TPGS2: variants seen among roughly 807,000 people sequenced by gnomAD.
TPGS2 encodes tubulin polyglutamylase complex subunit 2.
A neutral mutation model predicts 31.1 loss-of-function variants in TPGS2; 26 were observed. The ratio of observed to expected loss-of-function variants is 0.84; its 90% confidence interval spans 0.61 to 1.16. TPGS2 has a LOEUF of 1.16. Ranked by LOEUF, TPGS2 falls within the 50% of genes most tolerant of loss-of-function variation. TPGS2 has a pLI of 0.00. For missense variants in TPGS2, 351 were observed against 363.8 expected, an observed-to-expected ratio of 0.96 and a Z score of 0.29; for synonymous variants, 130 against 136.6, an observed-to-expected ratio of 0.95 and a Z score of 0.34.
intron 2 of TPGS2, among the ~76,000 whole-genome samples, chr18:36,813,084 G>A (rs2045501567): frequency 6.6e-6 from 1 of 152,226 alleles, no homozygotes; most frequent in African/African-American, 2.4e-5. Context: ...CTCAGGACTT[G>A]ATACATGAAA....
chr18:36,824,228 T>C (rs2046032981), intron 1 of TPGS2, among the ~76,000 whole-genome samples: 1 of 152,256 alleles, frequency 6.6e-6, no homozygotes, highest in South Asian at 2.1e-4. Context: ...TTTTTTGTTA[T>C]ATGGATATAT....
At chr18:36,819,017 GTC>G (rs2045783338) in intron 1 of TPGS2, 44 bp from the exon 2 acceptor site, 1 of 1,514,470 alleles carries the variant, frequency 6.6e-7, no homozygotes, top group African/African-American at 1.4e-5. Flanking sequence ...TTGGTCCGCT[GTC>G]ATACATTTCT....
intron 6 of TPGS2, chr18:36,789,090 GC>G (rs1446727504): frequency 6.6e-6 from 1 of 152,110 alleles, no homozygotes; most frequent in Admixed American, 6.6e-5. Context: ...AACCTGCACA[GC>G]CCACTCTGCA....
In TPGS2 at chr18:36,795,912, A is replaced by C; in HGVS notation, c.*893T>G. 1.0e-6 allele frequency: 1 copy of C among 985,466 alleles called. No individual in the cohort carries two copies. The highest frequency in any genetic ancestry group is 1.2e-6 in the Non-Finnish European group (1 of 829,940). 61.0% of individuals were successfully genotyped at this position (985,466 alleles called of 1,614,324 possible). On this transcript the variant is annotated 3_prime_UTR_variant, in exon 7 of 7. Coordinates refer to ENST00000334295, the MANE Select transcript of TPGS2 (RefSeq NM_015476.4). ...CCATTAAAACTCTTTCTTTATGAAG[A>C]GTTGTGCAAAACAATGTTTGGGAAT... is the stretch of plus-strand genomic sequence containing the variant.
At chr18:36,818,189 C>G (rs1274591832) in intron 2 of TPGS2, among the ~76,000 whole-genome samples, 1 of 152,142 alleles carries the variant, frequency 6.6e-6, no homozygotes, top group Non-Finnish European at 1.5e-5. Context: ...TTAACAATTT[C>G]TTATTGCTTC....
chr18:36,823,510 G>A (rs1484368128), intron 1 of TPGS2, among the ~76,000 whole-genome samples: 1 of 131,988 alleles, frequency 7.6e-6, no homozygotes, highest in Non-Finnish European at 1.5e-5. Context: ...GCCCAGGCTG[G>A]AGTGCAGTGG....
At chr18:36,828,378 C>G (rs1049008779) in intron 1 of TPGS2, among the ~76,000 whole-genome samples, 1 of 152,102 alleles carries the variant, frequency 6.6e-6, no homozygotes, top group African/African-American at 2.4e-5. Context: ...ACTTCCCAAC[C>G]GTCAGGTGCT....
At chr18:36,780,171 G>C (rs1454056516), downstream of TPGS2, 1 of 1,231,744 alleles carries the variant, frequency 8.1e-7, no homozygotes, top group African/African-American at 1.6e-5. Context: ...GCTTGGAACG[G>C]CCTTCAGATC....
At chr18:36,820,785 G>A (rs1040030573) in intron 1 of TPGS2, among the ~76,000 whole-genome samples, 10 of 152,110 alleles carry the variant, frequency 6.6e-5, no homozygotes, top group African/African-American at 2.2e-4. Context: ...AACATTTTGC[G>A]GATGTTTGGA....
At chr18:36,791,316 C>T (rs2044302062), downstream of TPGS2, among the ~76,000 whole-genome samples, 2 of 152,098 alleles carry the variant, frequency 1.3e-5, no homozygotes, top group Admixed American at 1.3e-4. Context: ...ATTAATATAC[C>T]ATCTCCACAC....
At chr18:36,800,910 G>C (rs145713114) in intron 4 of TPGS2, among the ~76,000 whole-genome samples, 1 of 152,064 alleles carries the variant, frequency 6.6e-6, no homozygotes, top group Non-Finnish European at 1.5e-5. Flanking sequence ...GACTGCTCTC[G>C]AACTCCTGAC....
intron 1 of TPGS2, chr18:36,820,911 T>C (rs1379374724): frequency 1.3e-5 from 2 of 152,182 alleles, no homozygotes; most frequent in Non-Finnish European, 2.9e-5. Flanking sequence ...TGACAAGCAT[T>C]TGTCAGCCAC....
chr18:36,790,405 G>A (rs1329246560), downstream of TPGS2, among the ~76,000 whole-genome samples: 1 of 152,230 alleles, frequency 6.6e-6, no homozygotes, highest in Non-Finnish European at 1.5e-5. Context: ...CATCCAGAGA[G>A]ATGGTTTCTT....
At chr18:36,825,173 C>T (rs1241865994) in intron 1 of TPGS2, among the ~76,000 whole-genome samples, 1 of 152,036 alleles carries the variant, frequency 6.6e-6, no homozygotes, top group Non-Finnish European at 1.5e-5. Context: ...TGGCTCACAC[C>T]TGTAATCCCA....
Position 36,828,733 on chromosome 18 carries a change from C to G in TPGS2, c.35G>C (p.Cys12Ser). 6.2e-7 allele frequency: 1 copy of G among 1,614,062 alleles called. No homozygotes were observed. The highest frequency in any genetic ancestry group is 1.1e-5 in the South Asian group (1 of 91,084). Residue 12 changes from cysteine to serine, a missense_variant, in exon 1 of 7, where the codon TGC becomes TCC. Physicochemically the swap from Cys to Ser is moderately radical, Grantham distance 112. Coordinates refer to ENST00000334295, the MANE Select transcript of TPGS2 (RefSeq NM_015476.4). ...EEEASSPGLG[C>S]SKPHLEKLTL... ...CAGCTTCTCCAGGTGCGGCTTGCTG[C>G]AGCCCAGCCCCGGGGACGATGCCTC...
In TPGS2 at chr18:36,807,827, C is replaced by T. The variant is rs1483554136; in HGVS notation, c.253+20G>A. On this transcript the variant is annotated intron_variant, in intron 3 of 6. Coordinates refer to ENST00000334295, the MANE Select transcript of TPGS2 (RefSeq NM_015476.4). Reference sequence around the variant, plus strand: ...ATCTCTCAGCCAGGGAAATGTTCTCCTACAAGGAGGCTGACTCACCATCCA... The same window carrying T: ...ATCTCTCAGCCAGGGAAATGTTCTCTTACAAGGAGGCTGACTCACCATCCA... The T allele has an allele frequency of 6.2e-7, 1 of 1,611,790 alleles. No individual in the cohort carries two copies. The highest frequency in any genetic ancestry group is 1.3e-5 in the African/African-American group (1 of 74,862).
chr18:36,780,169 C>A, downstream of TPGS2: 1 of 1,231,886 alleles, frequency 8.1e-7, no homozygotes, highest in East Asian at 3.2e-5. Flanking sequence ...TCGCTTGGAA[C>A]GGCCTTCAGA....
chr18:36,797,546 G>A (rs1188809666), intron 6 of TPGS2, among the ~76,000 whole-genome samples: 5 of 150,246 alleles, frequency 3.3e-5, no homozygotes, highest in Admixed American at 6.7e-5. Flanking sequence ...TGAGGGCAAA[G>A]GGCATCCACA....
At chr18:36,805,200 G>GA (rs1308538965) in intron 4 of TPGS2, among the ~76,000 whole-genome samples, 174 bp downstream of exon 4, 2 of 152,202 alleles carry the variant, frequency 1.3e-5, no homozygotes, top group African/African-American at 2.4e-5. Flanking sequence ...AAATGGAGAG[G>GA]AAAGGAGCTG....
Sources: allele counts gnomAD v4.1 joint callset (sites outside exome capture counted in the v4.1 genomes callset), GRCh38; gene constraint gnomAD v4.1.1; transcripts MANE v1.5; gene names NCBI Gene and HGNC (gene_info 2026-07-23, HGNC 2026-07-21).